Variants in MARCHF8 observed in about 807,000 individuals in gnomAD.
The protein encoded by MARCHF8 is E3 ubiquitin-protein ligase MARCHF8.
A neutral mutation model predicts 51.6 loss-of-function variants in MARCHF8; 40 were observed. The ratio of observed to expected loss-of-function variants is 0.77; its 90% confidence interval spans 0.60 to 1.01. The LOEUF is 1.01. Ranked by LOEUF, MARCHF8 falls within the 50% of genes least tolerant of loss-of-function variation. The pLI, the probability that MARCHF8 is intolerant of heterozygous loss-of-function variation, is 0.00. For synonymous variants in MARCHF8, 263 were observed against 280.3 expected (o/e 0.94, Z 0.62); for missense variants, 685 against 708.6 (o/e 0.97, Z 0.38).
chr10:45,560,990 AAGGTAAC>A (rs527330349), intron 1 of MARCHF8, among the ~76,000 whole-genome samples: 37 of 152,202 alleles, frequency 2.4e-4, no homozygotes, highest in Non-Finnish European at 4.6e-4. Flanking sequence ...GAGTACAAAA[AAGGTAAC>A]AGTCCTTTCC....
chr10:45,512,864 A>G (rs1230677948), intron 2 of MARCHF8, among the ~76,000 whole-genome samples: 4 of 152,062 alleles, frequency 2.6e-5, no homozygotes, highest in Non-Finnish European at 5.9e-5. Flanking sequence ...GAGACTTTTC[A>G]TTTTGTTCTG....
intron 1 of MARCHF8, among the ~76,000 whole-genome samples, chr10:45,534,869 A>C (rs2133285849): frequency 1.3e-5 from 2 of 152,332 alleles, no homozygotes; most frequent in East Asian, 3.9e-4. Context: ...TCACTAAGCA[A>C]GCAGAGGAGC....
At chr10:45,563,511 T>C (rs2044333134) in intron 1 of MARCHF8, among the ~76,000 whole-genome samples, 1 of 152,154 alleles carries the variant, frequency 6.6e-6, no homozygotes, top group Non-Finnish European at 1.5e-5. Flanking sequence ...AAGTCTATGA[T>C]AATATCTCAA....
intron 3 of MARCHF8, among the ~76,000 whole-genome samples, chr10:45,478,032 T>C (rs2042818238): frequency 6.6e-6 from 1 of 152,142 alleles, no homozygotes; most frequent in Non-Finnish European, 1.5e-5. Flanking sequence ...TGAACAAACA[T>C]TACATTTAAA....
intron 3 of MARCHF8, among the ~76,000 whole-genome samples, chr10:45,473,711 A>C (rs889107874): frequency 6.6e-6 from 1 of 152,174 alleles, no homozygotes; most frequent in Non-Finnish European, 1.5e-5. Context: ...CTCCTCTGCG[A>C]ATTTCAATCA....
chr10:45,548,947 A>T (rs2044161418), intron 1 of MARCHF8, among the ~76,000 whole-genome samples: 1 of 151,104 alleles, frequency 6.6e-6, no homozygotes, highest in Non-Finnish European at 1.5e-5. Context: ...GTGACCCAAG[A>T]TCATGCCATT....
At chr10:45,511,086 T>C (rs538225659) in intron 2 of MARCHF8, among the ~76,000 whole-genome samples, 1 of 152,264 alleles carries the variant, frequency 6.6e-6, no homozygotes, top group Non-Finnish European at 1.5e-5. Flanking sequence ...AGAATCATAA[T>C]ATTTTAGTAA....
chr10:45,481,787 A>G (rs2042891841), intron 3 of MARCHF8, among the ~76,000 whole-genome samples: 1 of 151,994 alleles, frequency 6.6e-6, no homozygotes, highest in South Asian at 2.1e-4. Flanking sequence ...CACTTTCACC[A>G]CTCCTGTTCA....
At chr10:45,542,704 C>A (rs938624680) in intron 1 of MARCHF8, among the ~76,000 whole-genome samples, 1 of 152,030 alleles carries the variant, frequency 6.6e-6, no homozygotes. Context: ...TTTTAGTACA[C>A]GTATTACTTT....
chr10:45,507,290 C>T lies in MARCHF8; in HGVS notation c.103-17873G>A, dbSNP rs998520738. Among the ~76,000 whole-genome samples the T allele has an allele frequency of 5.9e-5, 9 of 152,014 alleles. 1 individual carries two copies. Among genetic ancestry groups the T allele is most frequent in the East Asian group, 1.9e-4 (1 of 5,190 alleles). Reference sequence around the variant, plus strand: ...AATAAAAGGGCTGGTTGTTCCAGAACGAGAAAGAGGGTTGTCTCAGTCTGT... The same window carrying T: ...AATAAAAGGGCTGGTTGTTCCAGAATGAGAAAGAGGGTTGTCTCAGTCTGT... On this transcript the variant is annotated intron_variant, in intron 2 of 7. Transcript: ENST00000453424.
At chr10:45,506,782 G>A (rs568712370) in intron 2 of MARCHF8, among the ~76,000 whole-genome samples, 1 of 152,324 alleles carries the variant, frequency 6.6e-6, no homozygotes, top group East Asian at 1.9e-4. Context: ...AAGGGGAGTT[G>A]GGGTGGGGCA....
chr10:45,551,543 T>C (rs978190154), intron 1 of MARCHF8, among the ~76,000 whole-genome samples: 6 of 152,094 alleles, frequency 3.9e-5, no homozygotes, highest in African/African-American at 9.7e-5. Context: ...AGCTTCTAAA[T>C]TGGTGGATTC....
At chr10:45,489,621 A>G (rs928095032) in intron 2 of MARCHF8, among the ~76,000 whole-genome samples, 2 of 152,178 alleles carry the variant, frequency 1.3e-5, no homozygotes, top group African/African-American at 2.4e-5. Flanking sequence ...TCCCTGTCCT[A>G]AAGGATTTAA....
chr10:45,489,709 A>G (rs574791093), intron 2 of MARCHF8, among the ~76,000 whole-genome samples: 4 of 152,234 alleles, frequency 2.6e-5, no homozygotes, highest in Non-Finnish European at 5.9e-5. Context: ...ATAAGATGGT[A>G]ATAAGTGTCT....
chr10:45,494,846 C>T lies in MARCHF8; in HGVS notation c.103-5429G>A, dbSNP rs150544355. Among the ~76,000 whole-genome samples the T allele has an allele frequency of 3.5e-3, 539 of 152,288 alleles. 3 individuals are homozygous for T. Among genetic ancestry groups the T allele is most frequent in the African/African-American group, 0.012 (513 of 41,562 alleles). ...CTGTAAAAAATGATTAAGGGCCAAG[C>T]GTGGTGACTCACACCTGTAATCCCA... On this transcript the variant is annotated intron_variant, in intron 2 of 7. Coordinates refer to ENST00000453424, the MANE Select transcript of MARCHF8 (RefSeq NM_001282866.2).
chr10:45,553,559 T>C lies in MARCHF8; in HGVS notation c.-78-20270A>G, dbSNP rs1440117989. Among the ~76,000 whole-genome samples the C allele has an allele frequency of 7.2e-5, 11 of 152,314 alleles. No individual in the cohort carries two copies. The East Asian group carries it at 1.9e-3, about 27-fold the overall frequency. On this transcript the variant is annotated intron_variant, in intron 1 of 6. Coordinates refer to the MARCHF8 transcript ENST00000319836. ...AACAACAACAAAAAATAAGTATGTATATACAAGGTATTCACTGCAGCACTA... is the reference window on the plus strand; with the variant it reads ...AACAACAACAAAAAATAAGTATGTACATACAAGGTATTCACTGCAGCACTA...
At chr10:45,530,659 G>A (rs11239551) in intron 2 of MARCHF8, among the ~76,000 whole-genome samples, 32,949 of 152,096 alleles carry the variant, frequency 0.22, 3,894 homozygotes, top group Admixed American at 0.29. Context: ...TATAGTGCCA[G>A]CTACTTGGGA....
At chr10:45,469,146 T>C (rs951963722) in intron 3 of MARCHF8, among the ~76,000 whole-genome samples, 1 of 151,524 alleles carries the variant, frequency 6.6e-6, no homozygotes, top group Non-Finnish European at 1.5e-5. Context: ...TGTCCAGTAA[T>C]GAACACACAA....
In MARCHF8 at chr10:45,503,229, T is replaced by C. The variant is rs185721152; in HGVS notation, c.103-13812A>G. On this transcript the variant is annotated intron_variant, in intron 2 of 7. Transcript: ENST00000453424. Reference sequence around the variant, plus strand: ...ATTACAGGACACAAATGTGGAGAACTGACTTTTTAAAAAAACAACCAATTA... The same window carrying C: ...ATTACAGGACACAAATGTGGAGAACCGACTTTTTAAAAAAACAACCAATTA... 8.1e-4 allele frequency among the ~76,000 whole-genome samples: 124 copies of C among 152,152 alleles called. 1 individual carries two copies. Among genetic ancestry groups the C allele is most frequent in the African/African-American group, 2.9e-3 (119 of 41,542 alleles).
Sources: allele counts gnomAD v4.1 joint callset (sites outside exome capture counted in the v4.1 genomes callset), GRCh38; gene constraint gnomAD v4.1.1; transcripts MANE v1.5; gene names NCBI Gene and HGNC (gene_info 2026-07-23, HGNC 2026-07-21).